The following HYOU1 variants were observed in gnomAD, a reference collection of about 807,000 sequenced individuals.
HYOU1 encodes the protein hypoxia up-regulated 1.
In HYOU1, 40 loss-of-function variants were observed where a neutral mutation model predicts 120.5. The observed-to-expected ratio is 0.33, with a 90% CI of 0.26 to 0.43. The LOEUF is 0.43. Ranked by LOEUF, HYOU1 falls within the 20% of genes least tolerant of loss-of-function variation. The pLI is 1.00. For missense variants in HYOU1, 1,085 were observed against 1,278.3 expected (o/e 0.85, Z 2.31); for synonymous variants, 501 against 479.4 (o/e 1.05, Z -0.59).
chr11:119,045,444 C>G lies in HYOU1; in HGVS notation c.*149G>C. Reference sequence around the variant, plus strand: ...GAAGGAACCAGTGAGCTGTCCCTCCCTTCCCCTTCTCCACACCTCCAAATC... The same window carrying G: ...GAAGGAACCAGTGAGCTGTCCCTCCGTTCCCCTTCTCCACACCTCCAAATC... On this transcript the variant is annotated 3_prime_UTR_variant, in exon 26 of 26. Transcript: ENST00000617285. 2 of 779,704 alleles carry G rather than the reference C, an allele frequency of 2.6e-6. No individual in the cohort carries two copies. Among genetic ancestry groups the G allele is most frequent in the South Asian group, 1.4e-5 (1 of 72,500 alleles). The allele number at this position is 779,704 out of a possible 1,614,324, so 48.3% of individuals were successfully genotyped here.
In HYOU1 at chr11:119,045,826, C is replaced by G; in HGVS notation, c.2893G>C (p.Glu965Gln). The stretch of plus-strand genomic sequence containing the variant: ...TCCAAAGGCTCAGTGTCTCCTGGCT[C>G]GGATCCTGCTTTGGGAAGAAACAGG... ...SEPEKVETGS[E>Q]PGDTEPLELG... is the part of the protein sequence containing the mutation. The change falls in exon 25 of 26, where the codon GAG (glutamate) becomes CAG (glutamine). Residue 965 changes from glutamate (E) to glutamine (Q), a missense_variant. Around this residue, in one of 4 missense-constraint regions of HYOU1, gnomAD observed 516 missense variants for 517.1 expected, o/e 1.00. Transcript: ENST00000617285. 1.2e-6 allele frequency: 2 copies of G among 1,612,724 alleles called. No homozygotes were observed. Among genetic ancestry groups the G allele is most frequent in the East Asian group, 2.2e-5 (1 of 44,884 alleles).
rs1368178650 is a variant in HYOU1, at chr11:119,055,564, G to A, written c.193C>T (p.Arg65Trp). Reference sequence around the variant, plus strand: ...GTCACGATCACCGGTGTTTTCCTCCGAGATTCCCTGAGGAAAAGAGATTTT... The same window carrying A: ...GTCACGATCACCGGTGTTTTCCTCCAAGATTCCCTGAGGAAAAGAGATTTT... Reference protein sequence around the residue: ...PMEIVLNKESRRKTPVIVTLK... With the variant: ...PMEIVLNKESWRKTPVIVTLK... Residue 65 changes from arginine to tryptophan, a missense_variant, in exon 4 of 26, where the codon CGG (arginine) becomes TGG (tryptophan). By Grantham distance (101) the Arg-to-Trp change is moderately radical (BLOSUM62 -3). Around this residue, in one of 4 missense-constraint regions of HYOU1, gnomAD observed 9 missense variants for 34.3 expected, o/e 0.26. Coordinates refer to ENST00000617285, the MANE Select transcript of HYOU1 (RefSeq NM_006389.5). The surrounding 1 kb of genome is among the most constrained non-coding windows in gnomAD (Gnocchi z 4.0). 8 of 1,613,978 alleles carry A rather than the reference G, an allele frequency of 5.0e-6. No homozygotes were observed. The highest frequency in any genetic ancestry group is 1.7e-5 in the Admixed American group (1 of 60,008).
chr11:119,054,497 G>A lies in HYOU1; in HGVS notation c.675C>T (p.Ala225=). The stretch of plus-strand genomic sequence containing the variant: ...GGTCAAGGCTCCCCTGGCTCACCTG[G>A]GCAGTGGTGTTAATATCTTTCCGGC... ...VFRRKDINTT[A]QNIMFYDMGS... is the part of the protein sequence containing the mutation. Residue 225 remains alanine, a synonymous_variant, in exon 7 of 26, where the codon GCC becomes GCT. Transcript: ENST00000617285. The A allele has an allele frequency of 6.2e-7, 1 of 1,614,086 alleles. No individual in the cohort carries two copies. Among genetic ancestry groups the A allele is most frequent in the Non-Finnish European group, 8.5e-7 (1 of 1,179,986 alleles).
Position 119,051,372 on chromosome 11 carries a change from C to T in HYOU1, c.1526+66G>A, listed in dbSNP as rs1394295659. The T allele has an allele frequency of 4.5e-6, 7 of 1,561,912 alleles. No homozygotes were observed. Among genetic ancestry groups the T allele is most frequent in the Non-Finnish European group, 6.1e-6 (7 of 1,140,490 alleles). ...CCCACATCCTCCCTCACCCCCAGTC[C>T]TCAGATTATCCAGCAGCCACGCCTC... On this transcript the variant is annotated intron_variant, in intron 13 of 25. Coordinates refer to ENST00000617285, the MANE Select transcript of HYOU1 (RefSeq NM_006389.5). The surrounding 1 kb of genome is among the most constrained non-coding windows in gnomAD (Gnocchi z 4.2).
rs1191508283 is a variant in HYOU1, at chr11:119,054,670, G to A, written c.502C>T (p.Pro168Ser). The change falls in exon 7 of 26, where the codon CCC (proline) becomes TCC (serine). Residue 168 changes from proline (P) to serine (S), a missense_variant. This residue lies in a region of HYOU1 where 515 missense variants were observed against 677.8 expected (regional missense o/e 0.76). Transcript: ENST00000617285. The part of the protein sequence containing the change: ...RSLAEDFAEQ[P>S]IKDAVITVPV... The stretch of plus-strand genomic sequence containing the variant: ...ACGGTGATCACTGCATCCTTGATGG[G>A]CTGCTCTACAGATGACAACAGAAAA... 1 of 1,611,548 alleles carries A rather than the reference G, an allele frequency of 6.2e-7. No homozygotes were observed. Among genetic ancestry groups the A allele is most frequent in the African/African-American group, 1.3e-5 (1 of 75,052 alleles).
rs2133613923 is a variant in HYOU1, at chr11:119,055,510, C to T, written c.247G>A (p.Asp83Asn). The T allele has an allele frequency of 6.2e-7, 1 of 1,614,128 alleles. No homozygotes were observed. The highest frequency in any genetic ancestry group is 8.5e-7 in the Non-Finnish European group (1 of 1,180,004). The change falls in exon 4 of 26, where the codon GAC (aspartate) becomes AAC (asparagine). Residue 83 changes from aspartate (D) to asparagine (N), a missense_variant. Physicochemically the swap from Asp to Asn is conservative, Grantham distance 23 (BLOSUM62 1). This residue lies in a region of HYOU1 where 515 missense variants were observed against 677.8 expected (regional missense o/e 0.76). Coordinates refer to ENST00000617285, the MANE Select transcript of HYOU1 (RefSeq NM_006389.5). The surrounding 1 kb of genome is among the most constrained non-coding windows in gnomAD (Gnocchi z 4.0). ...TLKENERFFG[D>N]SAASMAIKNP... Reference sequence around the variant, plus strand: ...TAGCTCACCATGCTTGCTGCACTGTCTCCAAAGAATCTTTCATTTTCTTTC... The same window carrying T: ...TAGCTCACCATGCTTGCTGCACTGTTTCCAAAGAATCTTTCATTTTCTTTC...
At chr11:119,050,292 A>T (rs2133578106) in intron 14 of HYOU1, among the ~76,000 whole-genome samples, 2 of 152,128 alleles carry the variant, frequency 1.3e-5, no homozygotes, top group African/African-American at 4.8e-5. Flanking sequence ...AGGCGCCTGT[A>T]ATCCCAGCTA....
chr11:119,053,365 G>A (rs2133598795), intron 8 of HYOU1: 4 of 153,386 alleles, frequency 2.6e-5, no homozygotes, highest in East Asian at 1.9e-4. Context: ...TCTAGACAGA[G>A]GCAACAACGT....
chr11:119,056,868 A>G (rs1944810079), intron 1 of HYOU1, 152 bp downstream of exon 1: 2 of 166,424 alleles, frequency 1.2e-5, no homozygotes, highest in South Asian at 3.0e-4. Flanking sequence ...AAGTGGGGAC[A>G]GACCGGGGGC....
chr11:119,055,591 G>T lies in HYOU1; in HGVS notation c.186-20C>A. 1 of 1,608,544 alleles carries T rather than the reference G, an allele frequency of 6.2e-7. No individual in the cohort carries two copies. The highest frequency in any genetic ancestry group is 8.5e-7 in the Non-Finnish European group (1 of 1,175,098). On this transcript the variant is annotated intron_variant, in intron 3 of 25. Coordinates refer to ENST00000617285, the MANE Select transcript of HYOU1 (RefSeq NM_006389.5). This position sits in a 1 kb window ranked among gnomAD's most constrained non-coding sequence, Gnocchi z 4.0. ...GATTCCCTGAGGAAAAGAGATTTTG[G>T]GCCCAGGTGCCTGCAGCAGAAGGAC...
At position 119,048,352 on chromosome 11, in the gene HYOU1, C is replaced by T. The variant is rs2133563068; in HGVS notation, c.2272G>A (p.Glu758Lys). The T allele has an allele frequency of 1.4e-5, 22 of 1,609,404 alleles. No individual in the cohort carries two copies. The highest frequency in any genetic ancestry group is 1.1e-4 in the South Asian group (10 of 91,064). Residue 758 changes from glutamate (E) to lysine (K), a missense_variant, in exon 20 of 26, where the codon GAG becomes AAG. This residue lies in a region of HYOU1 where 516 missense variants were observed against 517.1 expected (regional missense o/e 1.00). Coordinates refer to ENST00000617285, the MANE Select transcript of HYOU1 (RefSeq NM_006389.5). The surrounding 1 kb of genome is among the most constrained non-coding windows in gnomAD (Gnocchi z 4.7). ...TCCTCTGTGGACACTTCCTGGTACT[C>T]GGGCTGGTACAGCTTGTCCTGGGGA... ...FETQDKLYQP[E>K]YQEVSTEEQR... is the part of the protein sequence containing the mutation.
chr11:119,046,508 A>C (rs1414389608), intron 23 of HYOU1, 41 bp from the exon 24 acceptor site: 1 of 1,614,078 alleles, frequency 6.2e-7, no homozygotes, highest in Non-Finnish European at 8.5e-7. Context: ...TCAGGAAGGA[A>C]AGGAGGCTGT....
In HYOU1 at chr11:119,045,818, T is replaced by G. The variant is rs1944029752; in HGVS notation, c.2901A>C (p.Gly967=). ...PEKVETGSEP[G]DTEPLELGGP... ...CTCCTAACTCCAAAGGCTCAGTGTC[T>G]CCTGGCTCGGATCCTGCTTTGGGAA... The change falls in exon 25 of 26, where the codon GGA becomes GGC. Residue 967 remains glycine (G), a synonymous_variant. Coordinates refer to ENST00000617285, the MANE Select transcript of HYOU1 (RefSeq NM_006389.5). 2 of 1,612,702 alleles carry G rather than the reference T, an allele frequency of 1.2e-6. No homozygotes were observed. Among genetic ancestry groups the G allele is most frequent in the Non-Finnish European group, 8.5e-7 (1 of 1,179,680 alleles).
intron 16 of HYOU1, 135 bp from the exon 17 acceptor site, chr11:119,049,338 C>G (rs2133572160): frequency 0.018 from 28,097 of 1,554,330 alleles, 346 homozygotes; most frequent in Non-Finnish European, 0.021. Context: ...CCTGCTTGGA[C>G]TGTGGCAATC....
rs2133614428 is a variant in HYOU1 at position 119,055,589 on chromosome 11, T to G, written c.186-18A>C. On this transcript the variant is annotated intron_variant, in intron 3 of 25. Transcript: ENST00000617285. This position sits in a 1 kb window ranked among gnomAD's most constrained non-coding sequence, Gnocchi z 4.0. ...GAGATTCCCTGAGGAAAAGAGATTT[T>G]GGGCCCAGGTGCCTGCAGCAGAAGG... 68 of 1,607,786 alleles carry G rather than the reference T, an allele frequency of 4.2e-5. No individual in the cohort carries two copies. Among genetic ancestry groups the G allele is most frequent in the Non-Finnish European group, 4.9e-5 (57 of 1,174,388 alleles).
In HYOU1 at chr11:119,048,962, GGCGCCT is replaced by G; in HGVS notation, c.1992+50_1992+55del. The G allele has an allele frequency of 6.2e-7, 1 of 1,611,388 alleles. No individual in the cohort carries two copies. Among genetic ancestry groups the G allele is most frequent in the Non-Finnish European group, 8.5e-7 (1 of 1,178,564 alleles). ...TCTCCACAAGGCCAGAAACAAGGCAGGCGCCTGCTCCCTTAGCCTCTGGATCCACAC... is the reference window on the plus strand; with the variant it reads ...TCTCCACAAGGCCAGAAACAAGGCAGGCTCCCTTAGCCTCTGGATCCACAC... On this transcript the variant is annotated intron_variant, in intron 17 of 25. Transcript: ENST00000617285. The surrounding 1 kb of genome is among the most constrained non-coding windows in gnomAD (Gnocchi z 4.7).
rs2133582693 is a variant in HYOU1, at chr11:119,051,106, G to GA, written c.1593dup (p.Pro532SerfsTer2). 1 of 1,614,196 alleles carries GA rather than the reference G, an allele frequency of 6.2e-7. No homozygotes were observed. The highest frequency in any genetic ancestry group is 2.2e-5 in the East Asian group (1 of 44,878). On this transcript the variant is annotated frameshift_variant, in exon 14 of 26. Coordinates refer to ENST00000617285, the MANE Select transcript of HYOU1 (RefSeq NM_006389.5). LOFTEE classifies it high-confidence loss of function. The surrounding 1 kb of genome is among the most constrained non-coding windows in gnomAD (Gnocchi z 4.2). ...TTGATGCCCTTGGACTCGTAGTCAGGATACTTCTTGAAGCTGTCACCCACC... is the reference window on the plus strand; with the variant it reads ...TTGATGCCCTTGGACTCGTAGTCAGGAATACTTCTTGAAGCTGTCACCCACC...
At position 119,047,959 on chromosome 11, in the gene HYOU1, C is replaced by T. The variant is rs1190921632; in HGVS notation, c.2498G>A (p.Ser833Asn). ...AGGGGCTGCTCACTTGAGGAACATGCTGGAATGGTTGAGGAGATTATCGAG... is the reference window on the plus strand; with the variant it reads ...AGGGGCTGCTCACTTGAGGAACATGTTGGAATGGTTGAGGAGATTATCGAG... ...SALDNLLNHS[S>N]MFLKGARLIP... Residue 833 changes from serine to asparagine, a missense_variant, in exon 21 of 26, where the codon AGC (serine) becomes AAC (asparagine). Around this residue, in one of 4 missense-constraint regions of HYOU1, gnomAD observed 516 missense variants for 517.1 expected, o/e 1.00. Transcript: ENST00000617285. The T allele has an allele frequency of 1.2e-6, 2 of 1,614,146 alleles. No individual in the cohort carries two copies. The highest frequency in any genetic ancestry group is 1.6e-4 in the Middle Eastern group (1 of 6,062).
In HYOU1 at chr11:119,049,104, G is replaced by C. The variant is rs2133569627; in HGVS notation, c.1906C>G (p.Pro636Ala). Residue 636 changes from proline (P) to alanine (A), a missense_variant, in exon 17 of 26, where the codon CCC (proline) becomes GCC (alanine). Pro to Ala is a conservative substitution (Grantham distance 27). Transcript: ENST00000617285. ...TCTCCCTTAGGTTCAGGGGGTGGGG[G>C]CTGAGAGCCATCCTCCACTGGGGCC... ...AEAPVEDGSQ[P>A]PPPEPKGDAT... 6.2e-7 allele frequency: 1 copy of C among 1,614,050 alleles called. No individual in the cohort carries two copies. The highest frequency in any genetic ancestry group is 1.3e-5 in the African/African-American group (1 of 75,022).
Sources: gnomAD v4.1 joint callset for allele counts (sites outside exome capture counted in the v4.1 genomes callset) on GRCh38, gnomAD v4.1.1 for gene constraint, gnomAD v4.1.1 regional missense constraint, Gnocchi (gnomAD v3.1) non-coding constraint, MANE v1.5 for transcripts, NCBI Gene and HGNC (gene_info 2026-07-23, HGNC 2026-07-21) for gene names.